The following B3GNT9 variants were observed in gnomAD, a reference collection of about 807,000 sequenced individuals.
B3GNT9 encodes BGnT-9.
For missense variants in B3GNT9, 669 were observed against 599.2 expected, an observed-to-expected ratio of 1.12 and a Z score of -1.22; for synonymous variants, 359 against 283.9, an observed-to-expected ratio of 1.26 and a Z score of -2.66.
rs376815785 is a variant in B3GNT9 at position 67,149,099 on chromosome 16, A to G, written c.*178T>C. 1 of 1,323,266 alleles carries G rather than the reference A, an allele frequency of 7.6e-7. No homozygotes were observed. Among genetic ancestry groups the G allele is most frequent in the South Asian group, 1.8e-5 (1 of 56,452 alleles). 82.0% of individuals were successfully genotyped at this position (1,323,266 alleles called of 1,614,324 possible). ...GGCTCGCTCAAAGGGTCACCATTACACGGGTTTCAACTGGTTCCAGCAGGG... is the reference window on the plus strand; with the variant it reads ...GGCTCGCTCAAAGGGTCACCATTACGCGGGTTTCAACTGGTTCCAGCAGGG... On this transcript the variant is annotated 3_prime_UTR_variant, in exon 2 of 2. Coordinates refer to ENST00000449549, the MANE Select transcript of B3GNT9 (RefSeq NM_033309.3).
At position 67,150,232 on chromosome 16, in the gene B3GNT9, G is replaced by T. The variant is rs2030418313; in HGVS notation, c.254C>A (p.Ala85Asp). The T allele has an allele frequency of 4.5e-6, 7 of 1,547,664 alleles. No individual in the cohort carries two copies. The highest frequency in any genetic ancestry group is 6.1e-6 in the Non-Finnish European group (7 of 1,148,376). ...CTGGTCCTTGGCGCGCAAATAGCGGGCGAAGTCAAAGGGTCCCGTAGGCGT... is the reference window on the plus strand; with the variant it reads ...CTGGTCCTTGGCGCGCAAATAGCGGTCGAAGTCAAAGGGTCCCGTAGGCGT... ...PPTPTGPFDF[A>D]RYLRAKDQRR... Residue 85 changes from alanine to aspartate, a missense_variant, in exon 2 of 2, where the codon GCC becomes GAC. Ala to Asp is a moderately radical substitution (Grantham distance 126). Transcript: ENST00000449549.
rs1243137372 is a variant in B3GNT9, at chr16:67,149,330, C to T, written c.1156G>A (p.Ala386Thr). The T allele has an allele frequency of 1.3e-6, 2 of 1,596,056 alleles. No homozygotes were observed. The highest frequency in any genetic ancestry group is 1.1e-5 in the South Asian group (1 of 87,816). ...GCGACAGGCTGTGGATGCGCACAGG[C>T]TGGCCCATGCGGCCCGTGCAGCAGG... ...WRLLHGPHGP[A>T]CAHPQPVAAG... Residue 386 changes from alanine (A) to threonine (T), a missense_variant, in exon 2 of 2, where the codon GCC (alanine) becomes ACC (threonine). By Grantham distance (58) the Ala-to-Thr change is moderately conservative. Transcript: ENST00000449549.
chr16:67,150,292 G>T lies in B3GNT9; in HGVS notation c.194C>A (p.Pro65Gln), dbSNP rs2030422960. 7.0e-7 allele frequency: 1 copy of T among 1,430,532 alleles called. No homozygotes were observed. The highest frequency in any genetic ancestry group is 1.5e-5 in the African/African-American group (1 of 67,486). 88.6% of individuals were successfully genotyped at this position (1,430,532 alleles called of 1,614,324 possible). The change falls in exon 2 of 2, where the codon CCG becomes CAG. Residue 65 changes from proline to glutamine, a missense_variant. Physicochemically the swap from Pro to Gln is moderately conservative, Grantham distance 76 (BLOSUM62 -1). Coordinates refer to ENST00000449549, the MANE Select transcript of B3GNT9 (RefSeq NM_033309.3). ...AFQLPDAGAA[P>Q]PAYEGDTPAP... ...CGGTGTGTCCCCTTCGTAGGCCGGCGGGGCTGCACCCGCGTCGGGTAACTG... is the reference window on the plus strand; with the variant it reads ...CGGTGTGTCCCCTTCGTAGGCCGGCTGGGCTGCACCCGCGTCGGGTAACTG...
chr16:67,149,875 A>G lies in B3GNT9; in HGVS notation c.611T>C (p.Leu204Pro). 4 of 1,612,564 alleles carry G rather than the reference A, an allele frequency of 2.5e-6. No homozygotes were observed. The highest frequency in any genetic ancestry group is 3.4e-6 in the Non-Finnish European group (4 of 1,179,198). ...LWAFDDTFFN[L>P]TLKEIHFLAW... ...TAGAAAGTGGATCTCCTTGAGCGTT[A>G]GGTTAAAAAAGGTGTCGTCGAAGGC... is the stretch of plus-strand genomic sequence containing the variant. The change falls in exon 2 of 2, where the codon CTA (leucine) becomes CCA (proline). Residue 204 changes from leucine to proline, a missense_variant. By Grantham distance (98) the Leu-to-Pro change is moderately conservative (BLOSUM62 -3). Coordinates refer to ENST00000449549, the MANE Select transcript of B3GNT9 (RefSeq NM_033309.3).
rs1372029222 is a variant in B3GNT9 at position 67,150,524 on chromosome 16, G to A, written c.-39C>T. 1 of 1,254,140 alleles carries A rather than the reference G, an allele frequency of 8.0e-7. No homozygotes were observed. The highest frequency in any genetic ancestry group is 3.2e-5 in the South Asian group (1 of 31,034). The allele number at this position is 1,254,140 out of a possible 1,614,324, so 77.7% of individuals were successfully genotyped here. On this transcript the variant is annotated 5_prime_UTR_variant, in exon 2 of 2. Transcript: ENST00000449549. ...GCGCCCTCCCTCCCCTGTAAGGGTC[G>A]CAGTCGGCAGCAGGGGGCAGCGAGC...
At position 67,149,984 on chromosome 16, in the gene B3GNT9, C is replaced by T; in HGVS notation, c.502G>A (p.Asp168Asn). 1 of 1,536,102 alleles carries T rather than the reference C, an allele frequency of 6.5e-7. No individual in the cohort carries two copies. ...GTTCGCGCGCCCTCCCCAACTTCGT[C>T]GGCCCCGCCCGAGCCTGCGCCCCTG... ...VPRGAGSGGADEVGEGARTHW... is the reference protein window; with the variant it reads ...VPRGAGSGGANEVGEGARTHW... The change falls in exon 2 of 2, where the codon GAC (aspartate) becomes AAC (asparagine). Residue 168 changes from aspartate (D) to asparagine (N), a missense_variant. Transcript: ENST00000449549.
Position 67,148,184 on chromosome 16 carries a change from G to A in B3GNT9, c.*1093C>T, listed in dbSNP as rs956425989. Reference sequence around the variant, plus strand: ...AATTTTGTGAGTTTTTCAAATGTGTGTACAGATTTTTGTAAATATGACTCT... The same window carrying A: ...AATTTTGTGAGTTTTTCAAATGTGTATACAGATTTTTGTAAATATGACTCT... On this transcript the variant is annotated 3_prime_UTR_variant, in exon 2 of 2. Transcript: ENST00000449549. 2.0e-5 allele frequency: 3 copies of A among 152,684 alleles called. No homozygotes were observed. Among genetic ancestry groups the A allele is most frequent in the Admixed American group, 6.5e-5 (1 of 15,282 alleles). The allele number at this position is 152,684 out of a possible 1,614,324, so 9.5% of individuals were successfully genotyped here.
rs1445293800 is a variant in B3GNT9, at chr16:67,149,012, C to G, written c.*265G>C. 5 of 503,024 alleles carry G rather than the reference C, an allele frequency of 9.9e-6. No homozygotes were observed. In the East Asian group the frequency reaches 2.0e-4, roughly 20 times the overall value. The allele number at this position is 503,024 out of a possible 1,614,324, so 31.2% of individuals were successfully genotyped here. A position where few individuals can be genotyped will look rare whatever the true frequency, so the allele number is the denominator to read the frequency against. ...ACACACCTCTGTGCTACTAGGAGGA[C>G]CAGACATATCCACTGCTCTGGGACC... On this transcript the variant is annotated 3_prime_UTR_variant, in exon 2 of 2. Transcript: ENST00000449549.
Position 67,148,395 on chromosome 16 carries a change from C to T in B3GNT9, c.*882G>A. The T allele has an allele frequency of 6.5e-6, 1 of 152,744 alleles. No homozygotes were observed. 9.5% of individuals were successfully genotyped at this position (152,744 alleles called of 1,614,324 possible). ...CCTGGCCAGAGCCCCTTGCATATCC[C>T]CACTGTCAGGGGCAGCCAGGACTGT... is the stretch of plus-strand genomic sequence containing the variant. On this transcript the variant is annotated 3_prime_UTR_variant, in exon 2 of 2. Coordinates refer to ENST00000449549, the MANE Select transcript of B3GNT9 (RefSeq NM_033309.3).
At position 67,149,820 on chromosome 16, in the gene B3GNT9, C is replaced by G; in HGVS notation, c.666G>C (p.Val222=). Residue 222 remains valine, a synonymous_variant, in exon 2 of 2, where the codon GTG becomes GTC. Coordinates refer to ENST00000449549, the MANE Select transcript of B3GNT9 (RefSeq NM_033309.3). ...LAWASAFCPD[V]RFVFKGDADV... ...CTGCGTCGCCCTTAAAAACGAAGCG[C>G]ACGTCGGGGCAGAAAGCTGAGGCCC... The G allele has an allele frequency of 6.2e-7, 1 of 1,613,894 alleles. No individual in the cohort carries two copies. Among genetic ancestry groups the G allele is most frequent in the Non-Finnish European group, 8.5e-7 (1 of 1,179,810 alleles).
chr16:67,150,599 C>T lies in B3GNT9; in HGVS notation c.-114G>A. 4 of 887,152 alleles carry T rather than the reference C, an allele frequency of 4.5e-6. No individual in the cohort carries two copies. The highest frequency in any genetic ancestry group is 1.7e-5 in the African/African-American group (1 of 57,410). The allele number at this position is 887,152 out of a possible 1,614,324, so 55.0% of individuals were successfully genotyped here. A position where few individuals can be genotyped will look rare whatever the true frequency, so the allele number is the denominator to read the frequency against. On this transcript the variant is annotated 5_prime_UTR_variant, in exon 2 of 2. Transcript: ENST00000449549. ...GGGAGGCCACGCCCCGGGGGGGGCT[C>T]CAGCGACCGACGGTTGAGCCCCTTG... is the stretch of plus-strand genomic sequence containing the variant.
Position 67,150,590 on chromosome 16 carries a change from G to T in B3GNT9, c.-105C>A, listed in dbSNP as rs946032858. The T allele has an allele frequency of 3.6e-5, 36 of 1,007,042 alleles. No homozygotes were observed. Among genetic ancestry groups the T allele is most frequent in the Non-Finnish European group, 4.2e-5 (33 of 780,404 alleles). 62.4% of individuals were successfully genotyped at this position (1,007,042 alleles called of 1,614,324 possible). ...TGAGGGGGCGGGAGGCCACGCCCCG[G>T]GGGGGGCTCCAGCGACCGACGGTTG... On this transcript the variant is annotated 5_prime_UTR_variant, in exon 2 of 2. Coordinates refer to ENST00000449549, the MANE Select transcript of B3GNT9 (RefSeq NM_033309.3).
chr16:67,149,477 G>A lies in B3GNT9; in HGVS notation c.1009C>T (p.Arg337Cys), dbSNP rs1477651618. ...GAAGGCTGGGGGATGCCAAAGGTGCGGAAGGCAGGGTGAGGCTCGGGCGTG... is the reference window on the plus strand; with the variant it reads ...GAAGGCTGGGGGATGCCAAAGGTGCAGAAGGCAGGGTGAGGCTCGGGCGTG... ...RLTPEPHPAF[R>C]TFGIPQPSAA... The change falls in exon 2 of 2, where the codon CGC (arginine) becomes TGC (cysteine). Residue 337 changes from arginine to cysteine, a missense_variant. Coordinates refer to ENST00000449549, the MANE Select transcript of B3GNT9 (RefSeq NM_033309.3). 3 of 1,609,054 alleles carry A rather than the reference G, an allele frequency of 1.9e-6. No individual in the cohort carries two copies. Among genetic ancestry groups the A allele is most frequent in the Non-Finnish European group, 2.5e-6 (3 of 1,177,814 alleles).
chr16:67,149,391 G>A lies in B3GNT9; in HGVS notation c.1095C>T (p.His365=), dbSNP rs2145902640. 1 of 1,602,706 alleles carries A rather than the reference G, an allele frequency of 6.2e-7. No homozygotes were observed. ...GCCAGATGTCAGCGGCCGAGAGCCC[G>A]TGCACTACAACCAGCTCACGGTAAA... is the stretch of plus-strand genomic sequence containing the variant. The part of the protein sequence containing the change: ...PCFYRELVVV[H]GLSAADIWLM... Residue 365 remains histidine (H), a synonymous_variant, in exon 2 of 2, where the codon CAC becomes CAT. Coordinates refer to ENST00000449549, the MANE Select transcript of B3GNT9 (RefSeq NM_033309.3).
Position 67,149,353 on chromosome 16 carries a change from A to C in B3GNT9, c.1133T>G (p.Leu378Arg). The change falls in exon 2 of 2, where the codon CTG becomes CGG. Residue 378 changes from leucine (L) to arginine (R), a missense_variant. Coordinates refer to ENST00000449549, the MANE Select transcript of B3GNT9 (RefSeq NM_033309.3). ...GGCTGGCCCATGCGGCCCGTGCAGC[A>C]GGCGCCACATAAGCCAGATGTCAGC... ...SAADIWLMWR[L>R]LHGPHGPACA... The C allele has an allele frequency of 6.2e-7, 1 of 1,602,988 alleles. No individual in the cohort carries two copies. Among genetic ancestry groups the C allele is most frequent in the Non-Finnish European group, 8.5e-7 (1 of 1,175,128 alleles).
In B3GNT9 at chr16:67,149,736, T is replaced by C. The variant is rs771940921; in HGVS notation, c.750A>G (p.Gln250=). 3.7e-6 allele frequency: 6 copies of C among 1,613,676 alleles called. No homozygotes were observed. The East Asian group carries it at 6.7e-5, about 18-fold the overall frequency. ...CAATTACGTCACCAGCAAGCAGGTC[T>C]TGCGCCGGGTCCCGCGGCGCCAGGA... ...LEFLAPRDPA[Q]DLLAGDVIVH... is the part of the protein sequence containing the mutation. Residue 250 remains glutamine (Q), a synonymous_variant, in exon 2 of 2, where the codon CAA becomes CAG. Coordinates refer to ENST00000449549, the MANE Select transcript of B3GNT9 (RefSeq NM_033309.3).
rs570177257 is a variant in B3GNT9 at position 67,150,189 on chromosome 16, G to A, written c.297C>T (p.Leu99=). Residue 99 remains leucine (L), a synonymous_variant, in exon 2 of 2, where the codon CTC becomes CTT. Transcript: ENST00000449549. ...CGCGGCACTTGTGCGGCTGGTTAATGAGCAGTGGAAACCGCCGCTGGTCCT... is the reference window on the plus strand; with the variant it reads ...CGCGGCACTTGTGCGGCTGGTTAATAAGCAGTGGAAACCGCCGCTGGTCCT... ...RAKDQRRFPL[L]INQPHKCRGD... 3 of 1,560,998 alleles carry A rather than the reference G, an allele frequency of 1.9e-6. No individual in the cohort carries two copies. Among genetic ancestry groups the A allele is most frequent in the African/African-American group, 2.8e-5 (2 of 70,500 alleles).
rs772898052 is a variant in B3GNT9, at chr16:67,149,645, G to A, written c.841C>T (p.Pro281Ser). ...CCGCCCGCGTAGGCCGGATAGGCGG[G>A]CAGGCCGTACACGGCCTCGGGGATG... is the stretch of plus-strand genomic sequence containing the variant. ...YYIPEAVYGL[P>S]AYPAYAGGGG... The change falls in exon 2 of 2, where the codon CCC becomes TCC. Residue 281 changes from proline (P) to serine (S), a missense_variant. Physicochemically the swap from Pro to Ser is moderately conservative, Grantham distance 74. Coordinates refer to ENST00000449549, the MANE Select transcript of B3GNT9 (RefSeq NM_033309.3). 25 of 1,601,178 alleles carry A rather than the reference G, an allele frequency of 1.6e-5. No individual in the cohort carries two copies. Among genetic ancestry groups the A allele is most frequent in the Non-Finnish European group, 2.0e-5 (24 of 1,174,254 alleles).
In B3GNT9 at chr16:67,149,734, TCTTGCG is replaced by T; in HGVS notation, c.746_751del (p.Ala249_Gln250del). On this transcript the variant is annotated inframe_deletion, in exon 2 of 2. Coordinates refer to ENST00000449549, the MANE Select transcript of B3GNT9 (RefSeq NM_033309.3). ...CACAATTACGTCACCAGCAAGCAGG[TCTTGCG>T]CCGGGTCCCGCGGCGCCAGGAACTC... 6.2e-7 allele frequency: 1 copy of T among 1,613,656 alleles called. No homozygotes were observed. The highest frequency in any genetic ancestry group is 8.5e-7 in the Non-Finnish European group (1 of 1,179,798).
Sources: gnomAD v4.1 joint callset for allele counts on GRCh38, gnomAD v4.1.1 for gene constraint, MANE v1.5 for transcripts, NCBI Gene and HGNC (gene_info 2026-07-23, HGNC 2026-07-21) for gene names.